Variants in SCRIB observed in about 807,000 individuals in gnomAD.
SCRIB encodes the protein protein scribble homolog.
In SCRIB, 72 loss-of-function variants were observed where a neutral mutation model predicts 170.0. The observed-to-expected ratio is 0.42, with a 90% CI of 0.35 to 0.52. SCRIB has a LOEUF of 0.52. Ranked by LOEUF, SCRIB falls within the 20% of genes least tolerant of loss-of-function variation. The pLI is 0.02. For synonymous variants in SCRIB, 1,298 were observed against 1,044.3 expected, an observed-to-expected ratio of 1.24 and a Z score of -4.68; for missense variants, 2,475 against 2,338.5, an observed-to-expected ratio of 1.06 and a Z score of -1.20.
At chr8:143,805,812 A>G (rs1815399455) in intron 18 of SCRIB, among the ~76,000 whole-genome samples, 1 of 152,168 alleles carries the variant, frequency 6.6e-6, no homozygotes, top group South Asian at 2.1e-4. Flanking sequence ...CCCAACACCC[A>G]GGAGCAGCAG....
At chr8:143,798,038 G>A (rs1268242110) in intron 24 of SCRIB, among the ~76,000 whole-genome samples, 1 of 152,178 alleles carries the variant, frequency 6.6e-6, no homozygotes, top group Non-Finnish European at 1.5e-5. Flanking sequence ...AGAGATGGAG[G>A]CCGGTCTTCT....
In SCRIB at chr8:143,810,718, C is replaced by T. The variant is rs1299013744; in HGVS notation, c.1372G>A (p.Glu458Lys). Reference sequence around the variant, plus strand: ...TCAGCTGCAGCTTCCTCAGCGTCCTCATCACCTATGGGGGCCTCCAGGAAC... The same window carrying T: ...TCAGCTGCAGCTTCCTCAGCGTCCTTATCACCTATGGGGGCCTCCAGGAAC... ...IQFLEAPIGD[E>K]DAEEAAAEKR... The change falls in exon 12 of 37, where the codon GAG becomes AAG. Residue 458 changes from glutamate to lysine, a missense_variant. Coordinates refer to ENST00000356994, the MANE Select transcript of SCRIB (RefSeq NM_182706.5). 1.2e-6 allele frequency: 2 copies of T among 1,606,946 alleles called. No individual in the cohort carries two copies. The highest frequency in any genetic ancestry group is 1.1e-5 in the South Asian group (1 of 90,828).
In SCRIB at chr8:143,792,297, C is replaced by T. The variant is rs1306988059; in HGVS notation, c.4437G>A (p.Pro1479=). The T allele has an allele frequency of 1.2e-5, 18 of 1,559,536 alleles. No individual in the cohort carries two copies. Among genetic ancestry groups the T allele is most frequent in the African/African-American group, 1.1e-4 (8 of 74,006 alleles). Residue 1479 remains proline (P), a synonymous_variant, in exon 32 of 37, where the codon CCG becomes CCA. Coordinates refer to ENST00000356994, the MANE Select transcript of SCRIB (RefSeq NM_182706.5). ...ERLRVQSPEP[P]APERALSPAE... ...CAGGGGACAGGGCACGCTCGGGTGC[C>T]GGTGGCTCCGGACTCTGCACGCGCA...
At chr8:143,813,940 C>A (rs768373163) in intron 2 of SCRIB, 44 bp from the exon 3 acceptor site, 18 of 1,593,256 alleles carry the variant, frequency 1.1e-5, no homozygotes, top group Non-Finnish European at 1.5e-5. Flanking sequence ...GGCCTGCAGG[C>A]CGTCTGCAGC....
chr8:143,804,108 C>A lies in SCRIB; in HGVS notation c.3058G>T (p.Gly1020Ter). The A allele has an allele frequency of 6.2e-7, 1 of 1,612,886 alleles. No individual in the cohort carries two copies. Residue 1020 changes from glycine to a stop codon, truncating the protein, a stop_gained, in exon 22 of 37, where the codon GGA becomes TGA. Transcript: ENST00000356994. LOFTEE classifies it high-confidence loss of function. ...GGGTGGCTGGAATGGTCGGAGCCTCCGACAATACTAAGCCCCAGAGGGCCC... is the reference window on the plus strand; with the variant it reads ...GGGTGGCTGGAATGGTCGGAGCCTCAGACAATACTAAGCCCCAGAGGGCCC... ...AGGPLGLSIV[G>*]GSDHSSHPFG...
chr8:143,807,477 G>A, intron 16 of SCRIB, 75 bp downstream of exon 16: 2 of 1,170,598 alleles, frequency 1.7e-6, no homozygotes, highest in Non-Finnish European at 2.6e-6. Context: ...CAGGGGCGGG[G>A]AGAGGCGTGA....
In SCRIB at chr8:143,806,976, C is replaced by T. The variant is rs1554636743; in HGVS notation, c.2216G>A (p.Gly739Asp). ...GCCCTTGCCGCCCGCAATGCTGATG[C>T]CCAGGCCCCCAGTCTGCCGCAGGAT... ...LTILRQTGGL[G>D]ISIAGGKGST... Residue 739 changes from glycine (G) to aspartate (D), a missense_variant, in exon 17 of 37, where the codon GGC becomes GAC. By Grantham distance (94) the Gly-to-Asp change is moderately conservative (BLOSUM62 -1). This residue lies in a region of SCRIB where 1,966 missense variants were observed against 1,742.9 expected (regional missense o/e 1.13). Transcript: ENST00000356994. 6.2e-7 allele frequency: 1 copy of T among 1,613,278 alleles called. No individual in the cohort carries two copies. Among genetic ancestry groups the T allele is most frequent in the Admixed American group, 1.7e-5 (1 of 59,964 alleles).
chr8:143,812,044 T>C (rs548360247), intron 9 of SCRIB, among the ~76,000 whole-genome samples: 1 of 152,238 alleles, frequency 6.6e-6, no homozygotes, highest in African/African-American at 2.4e-5. Context: ...ACACGAGACC[T>C]AGATTCTTCA....
Position 143,805,362 on chromosome 8 carries a change from A to T in SCRIB, c.2420T>A (p.Val807Glu). The T allele has an allele frequency of 6.4e-7, 1 of 1,551,260 alleles. No individual in the cohort carries two copies. ...GCGCTCCCGCCACACTCGCATCTGC[A>T]CGGCAGTGCCGGCCCCCCGGAGCGC... ...VEALRGAGTA[V>E]QMRVWRERMV... Residue 807 changes from valine to glutamate, a missense_variant, in exon 19 of 37, where the codon GTG becomes GAG. By Grantham distance (121) the Val-to-Glu change is moderately radical. Coordinates refer to ENST00000356994, the MANE Select transcript of SCRIB (RefSeq NM_182706.5).
At chr8:143,815,156 CG>C in intron 1 of SCRIB, 57 bp downstream of exon 1, 1 of 1,456,580 alleles carries the variant, frequency 6.9e-7, no homozygotes, top group Non-Finnish European at 9.0e-7. Context: ...ATTCTGCCGC[CG>C]GAGGAATCAC....
At chr8:143,811,568 C>T (rs1335061970) in intron 9 of SCRIB, among the ~76,000 whole-genome samples, 1 of 152,152 alleles carries the variant, frequency 6.6e-6, no homozygotes, top group Non-Finnish European at 1.5e-5. Context: ...CTTCAGTCCC[C>T]ACCACCAAAA....
rs540090572 is a variant in SCRIB, at chr8:143,791,191, C to T, written c.4940G>A (p.Arg1647His). 2.8e-5 allele frequency: 40 copies of T among 1,438,780 alleles called. No individual in the cohort carries two copies. The highest frequency in any genetic ancestry group is 2.7e-4 in the Admixed American group (9 of 33,960). 89.1% of individuals were successfully genotyped at this position (1,438,780 alleles called of 1,614,324 possible). A position where few individuals can be genotyped will look rare whatever the true frequency, so the allele number is the denominator to read the frequency against. ...CSSRRPVRPG[R>H]RGLGPVPS ...GGAGGGCACAGGGCCCAGGCCACGG[C>T]GCCCAGGCCTTACGGGGCGGCGGCT... is the stretch of plus-strand genomic sequence containing the variant. The change falls in exon 37 of 37, where the codon CGC becomes CAC. Residue 1647 changes from arginine to histidine, a missense_variant. Coordinates refer to ENST00000356994, the MANE Select transcript of SCRIB (RefSeq NM_182706.5).
chr8:143,811,951 C>T (rs376634774), intron 9 of SCRIB, among the ~76,000 whole-genome samples: 6 of 152,186 alleles, frequency 3.9e-5, no homozygotes, highest in Non-Finnish European at 8.8e-5. Flanking sequence ...GCCTGCTCTC[C>T]ATCTGTCTTC....
intron 24 of SCRIB, among the ~76,000 whole-genome samples, chr8:143,797,179 G>A (rs902396171): frequency 6.6e-6 from 1 of 152,220 alleles, no homozygotes; most frequent in Non-Finnish European, 1.5e-5. Flanking sequence ...AGGGGAGGTC[G>A]TGTCAGAATG....
chr8:143,796,396 C>A (rs1340087786), intron 24 of SCRIB, among the ~76,000 whole-genome samples: 1 of 152,140 alleles, frequency 6.6e-6, no homozygotes, highest in Non-Finnish European at 1.5e-5. Context: ...CAGGGACAAA[C>A]CCAGCCCTGT....
At position 143,804,757 on chromosome 8, in the gene SCRIB, G is replaced by C. The variant is rs140519341; in HGVS notation, c.2820C>G (p.Pro940=). 1.0e-5 allele frequency: 16 copies of C among 1,604,132 alleles called. No homozygotes were observed. The African/African-American group carries it at 1.3e-4, about 13-fold the overall frequency. The change falls in exon 21 of 37, where the codon CCC becomes CCG. Residue 940 remains proline, a synonymous_variant. Coordinates refer to ENST00000356994, the MANE Select transcript of SCRIB (RefSeq NM_182706.5). ...HAVSLLTAAS[P]TIALLLEREA... Reference sequence around the variant, plus strand: ...CCCGCTCCAACAGCAGGGCGATGGTGGGGGAGGCAGCGGTCAGCAGGGAGA... The same window carrying C: ...CCCGCTCCAACAGCAGGGCGATGGTCGGGGAGGCAGCGGTCAGCAGGGAGA...
At chr8:143,791,596 C>A (rs1290234378) in intron 35 of SCRIB, 70 bp downstream of exon 35, 1 of 1,520,064 alleles carries the variant, frequency 6.6e-7, no homozygotes, top group Non-Finnish European at 9.1e-7. Flanking sequence ...GGAGGCCCTG[C>A]GGGAGCGGAT....
intron 8 of SCRIB, 145 bp downstream of exon 8, chr8:143,812,672 C>G: frequency 8.7e-7 from 1 of 1,145,776 alleles, no homozygotes; most frequent in Non-Finnish European, 1.2e-6. Context: ...AGGGTCCCAC[C>G]TCCCCTCCCC....
At chr8:143,808,547 G>A (rs954691127) in intron 15 of SCRIB, 62 bp downstream of exon 15, 22 of 1,487,040 alleles carry the variant, frequency 1.5e-5, no homozygotes, top group Non-Finnish European at 9.8e-6. Flanking sequence ...TCCTGCCGCA[G>A]CCCTGGGTGC....
Sources: gnomAD v4.1 joint callset for allele counts (sites outside exome capture counted in the v4.1 genomes callset) on GRCh38, gnomAD v4.1.1 for gene constraint, gnomAD v4.1.1 regional missense constraint, MANE v1.5 for transcripts, NCBI Gene and HGNC (gene_info 2026-07-23, HGNC 2026-07-21) for gene names.